Variants in DCN observed in about 807,000 individuals in gnomAD.
The protein encoded by DCN is bone proteoglycan II.
A neutral mutation model predicts 36.5 loss-of-function variants in DCN; 17 were observed. The observed-to-expected ratio is 0.47, with a 90% CI of 0.32 to 0.70. The LOEUF (loss-of-function observed/expected upper bound fraction) is 0.70. Among genes scored for constraint, DCN ranks in the 30% least tolerant of loss-of-function variants. The probability of loss-of-function intolerance (pLI) is 0.04; values close to 1 mark genes in which losing one functional copy is unlikely to be tolerated. For missense variants in DCN, 389 were observed against 430.1 expected (o/e 0.90, Z 0.84); for synonymous variants, 163 against 161.4 (o/e 1.01, Z -0.07).
At chr12:91,173,301 T>C (rs903148296) in intron 2 of DCN, among the ~76,000 whole-genome samples, 2 of 152,124 alleles carry the variant, frequency 1.3e-5, no homozygotes, top group Non-Finnish European at 2.9e-5. Context: ...ACAGCTGCAA[T>C]CTCACAAAAT....
At chr12:91,159,418 A>AT (rs143737212) in intron 3 of DCN, among the ~76,000 whole-genome samples, 210 of 149,910 alleles carry the variant, frequency 1.4e-3, no homozygotes, top group African/African-American at 3.2e-3. Context: ...AGGTTAAACT[A>AT]TTTTTTTTTT....
At position 91,146,112 on chromosome 12, in the gene DCN, G is replaced by A. The variant is rs141915109; in HGVS notation, c.1026C>T (p.Ser342=). Residue 342 remains serine (S), a synonymous_variant, in exon 8 of 8, where the codon TCC becomes TCT. Transcript: ENST00000052754. ...AGCGCACGTAGACACATCTGAAGGT[G>A]GATGGCTGTATCTCCCAGTACTGGA... ...NPVQYWEIQP[S]TFRCVYVRSA... The A allele has an allele frequency of 5.1e-5, 83 of 1,613,728 alleles. No homozygotes were observed. Among genetic ancestry groups the A allele is most frequent in the Non-Finnish European group, 6.9e-5 (81 of 1,179,882 alleles).
intron 3 of DCN, among the ~76,000 whole-genome samples, chr12:91,161,250 C>A (rs1031948149): frequency 1.3e-5 from 2 of 152,144 alleles, no homozygotes; most frequent in Non-Finnish European, 2.9e-5. Context: ...CACATTATTA[C>A]AAATGCCAGA....
intron 5 of DCN, among the ~76,000 whole-genome samples, chr12:91,155,321 C>A (rs1881690861): frequency 6.6e-6 from 1 of 152,106 alleles, no homozygotes; most frequent in South Asian, 2.1e-4. Flanking sequence ...ATAGAAGACT[C>A]CATGACAAGC....
In DCN at chr12:91,141,325, A is replaced by G. The variant is rs1442790802; in HGVS notation, c.*4733T>C. ...CTCTCTGCTCTTGTTGGAACGTGCC[A>G]TGTATTTTCCAAATTCAGGGCCTCT... On this transcript the variant is annotated 3_prime_UTR_variant, in exon 8 of 8. Transcript: ENST00000052754. 1 of 152,228 alleles carries G rather than the reference A, an allele frequency of 6.6e-6. No homozygotes were observed. Among genetic ancestry groups the G allele is most frequent in the Admixed American group, 6.6e-5 (1 of 15,248 alleles). 9.4% of individuals were successfully genotyped at this position (152,228 alleles called of 1,614,324 possible).
intron 7 of DCN, 66 bp from the exon 8 acceptor site, chr12:91,146,318 AT>A: frequency 1.3e-6 from 1 of 754,634 alleles, no homozygotes; most frequent in Non-Finnish European, 2.1e-6. Flanking sequence ...TCAGGTAAAC[AT>A]TTTATTTTTT....
chr12:91,147,572 T>C (rs974261205), intron 7 of DCN, among the ~76,000 whole-genome samples: 1 of 152,190 alleles, frequency 6.6e-6, no homozygotes, highest in African/African-American at 2.4e-5. Flanking sequence ...ATAAATGTTA[T>C]TTCATATATC....
intron 2 of DCN, among the ~76,000 whole-genome samples, chr12:91,170,627 T>C (rs1421432889): frequency 6.6e-6 from 1 of 152,194 alleles, no homozygotes; most frequent in African/African-American, 2.4e-5. Context: ...CTACACTCTT[T>C]TGCAAATCTA....
rs1253893105 is a variant in DCN, at chr12:91,143,822, A to G, written c.*2236T>C. 6.7e-6 allele frequency: 1 copy of G among 148,270 alleles called. No individual in the cohort carries two copies. The highest frequency in any genetic ancestry group is 2.5e-5 in the African/African-American group (1 of 40,786). The allele number at this position is 148,270 out of a possible 1,614,324, so 9.2% of individuals were successfully genotyped here. On this transcript the variant is annotated 3_prime_UTR_variant, in exon 8 of 8. Coordinates refer to ENST00000052754, the MANE Select transcript of DCN (RefSeq NM_001920.5). Reference sequence around the variant, plus strand: ...TATGTATATATGCAAAAAGATATATATATAAATATATATATATAAAGATAT... The same window carrying G: ...TATGTATATATGCAAAAAGATATATGTATAAATATATATATATAAAGATAT...
At position 91,144,392 on chromosome 12, in the gene DCN, C is replaced by T. The variant is rs1025945971; in HGVS notation, c.*1666G>A. 6.6e-6 allele frequency: 1 copy of T among 152,148 alleles called. No homozygotes were observed. The highest frequency in any genetic ancestry group is 1.5e-5 in the Non-Finnish European group (1 of 68,030). The allele number at this position is 152,148 out of a possible 1,614,324, so 9.4% of individuals were successfully genotyped here. The stretch of plus-strand genomic sequence containing the variant: ...ACATGCACCTTGAATTCCTGAATGT[C>T]TTCCAATAGAAACCACCTATTCAAC... On this transcript the variant is annotated 3_prime_UTR_variant, in exon 8 of 8. Coordinates refer to ENST00000052754, the MANE Select transcript of DCN (RefSeq NM_001920.5).
At chr12:91,149,778 G>A (rs1881285265) in intron 7 of DCN, among the ~76,000 whole-genome samples, 1 of 152,026 alleles carries the variant, frequency 6.6e-6, no homozygotes, top group African/African-American at 2.4e-5. Flanking sequence ...AACATCAATT[G>A]TATGTTTATA....
rs760353274 is a variant in DCN, at chr12:91,177,509, G to A, written c.211+833C>T. ...TACACCCCTTCAAAAGGAGGAATGTGAATGAGCTGCCATGTAAACTGAGTT... is the reference window on the plus strand; with the variant it reads ...TACACCCCTTCAAAAGGAGGAATGTAAATGAGCTGCCATGTAAACTGAGTT... On this transcript the variant is annotated intron_variant, in intron 2 of 7. Coordinates refer to ENST00000052754, the MANE Select transcript of DCN (RefSeq NM_001920.5). 2.2e-5 allele frequency: 15 copies of A among 689,482 alleles called. No homozygotes were observed. In the South Asian group the frequency reaches 2.2e-4, roughly 10 times the overall value. The allele number at this position is 689,482 out of a possible 1,614,324, so 42.7% of individuals were successfully genotyped here. A position where few individuals can be genotyped will look rare whatever the true frequency, so the allele number is the denominator to read the frequency against.
At position 91,143,270 on chromosome 12, in the gene DCN, G is replaced by A. The variant is rs1044761977; in HGVS notation, c.*2788C>T. On this transcript the variant is annotated 3_prime_UTR_variant, in exon 8 of 8. Transcript: ENST00000052754. ...AGCCTCCAGAATTGTGAGAAAGTAA[G>A]TTTCTGTTGTTTTAAGCCACCCAGT... 5.9e-5 allele frequency: 9 copies of A among 152,202 alleles called. No individual in the cohort carries two copies. The highest frequency in any genetic ancestry group is 2.2e-4 in the African/African-American group (9 of 41,430). The allele number at this position is 152,202 out of a possible 1,614,324, so 9.4% of individuals were successfully genotyped here. A position where few individuals can be genotyped will look rare whatever the true frequency, so the allele number is the denominator to read the frequency against.
chr12:91,178,683 A>G (rs2121328973), intron 1 of DCN, 98 bp from the exon 2 acceptor site: 1 of 751,326 alleles, frequency 1.3e-6, no homozygotes, highest in Non-Finnish European at 2.4e-6. Flanking sequence ...CAGAGAAAAG[A>G]TGCAAAATAA....
At chr12:91,163,145 A>G (rs1026669525) in intron 3 of DCN, among the ~76,000 whole-genome samples, 1 of 152,242 alleles carries the variant, frequency 6.6e-6, no homozygotes, top group African/African-American at 2.4e-5. Context: ...CTCATTCTAC[A>G]GATAGAGAAC....
In DCN at chr12:91,178,474, A is replaced by G. The variant is rs747838243; in HGVS notation, c.79T>C (p.Phe27Leu). The change falls in exon 2 of 8, where the codon TTT (phenylalanine) becomes CTT (leucine). Residue 27 changes from phenylalanine (F) to leucine (L), a missense_variant. By Grantham distance (22) the Phe-to-Leu change is conservative. Transcript: ENST00000052754. ...GPFQQRGLFD[F>L]MLEDEASGIG... ...CCAGAAGCCTCATCTTCTAGCATAAAGTCAAATAAGCCTCTCTGTTGAAAC... is the reference window on the plus strand; with the variant it reads ...CCAGAAGCCTCATCTTCTAGCATAAGGTCAAATAAGCCTCTCTGTTGAAAC... 1.2e-5 allele frequency: 20 copies of G among 1,613,694 alleles called. No homozygotes were observed. The South Asian group carries it at 1.9e-4, about 15-fold the overall frequency.
At chr12:91,150,080 A>G (rs1881306307) in intron 7 of DCN, among the ~76,000 whole-genome samples, 1 of 152,176 alleles carries the variant, frequency 6.6e-6, no homozygotes, top group African/African-American at 2.4e-5. Context: ...TATGGAATGC[A>G]AAGGAACCAG....
chr12:91,181,105 AC>A (rs1868375020), intron 1 of DCN: 1 of 151,910 alleles, frequency 6.6e-6, no homozygotes, highest in South Asian at 2.1e-4. Flanking sequence ...AACTTCAATC[AC>A]CGACCTTTAT....
chr12:91,158,971 A>T (rs1440906420), intron 3 of DCN, among the ~76,000 whole-genome samples: 1 of 152,166 alleles, frequency 6.6e-6, no homozygotes, highest in Non-Finnish European at 1.5e-5. Context: ...AAAAAAAAAA[A>T]AGTTATAATA....
Sources: gnomAD v4.1 joint callset for allele counts (sites outside exome capture counted in the v4.1 genomes callset) on GRCh38, gnomAD v4.1.1 for gene constraint, MANE v1.5 for transcripts, NCBI Gene and HGNC (gene_info 2026-07-23, HGNC 2026-07-21) for gene names.